Variants in HNF1B observed in about 807,000 individuals in gnomAD.
HNF1B encodes the protein HNF1 homeobox B.
A neutral mutation model predicts 61.7 loss-of-function variants in HNF1B; 8 were observed. The ratio of observed to expected loss-of-function variants is 0.13; its 90% CI spans 0.08 to 0.23. The LOEUF (loss-of-function observed/expected upper bound fraction) is 0.23, where lower values mean the gene tolerates loss of function less well. Among genes scored for constraint, HNF1B ranks in the 10% least tolerant of loss-of-function variants. HNF1B has a pLI of 1.00. For synonymous variants in HNF1B, 314 were observed against 287.7 expected (o/e 1.09, Z -0.93); for missense variants, 562 against 714.5 (o/e 0.79, Z 2.43).
intron 4 of HNF1B, among the ~76,000 whole-genome samples, chr17:37,723,033 C>T (rs2033369456): frequency 6.6e-6 from 1 of 152,002 alleles, no homozygotes; most frequent in Non-Finnish European, 1.5e-5. Flanking sequence ...AGTACTCACA[C>T]CTCCTTTAAT....
At chr17:37,716,286 C>A (rs1051343848) in intron 4 of HNF1B, among the ~76,000 whole-genome samples, 1 of 152,132 alleles carries the variant, frequency 6.6e-6, no homozygotes, top group Admixed American at 6.5e-5. Flanking sequence ...CAACCTTCGC[C>A]TCCCGGGCTC....
intron 8 of HNF1B, among the ~76,000 whole-genome samples, chr17:37,696,902 C>A (rs183622362): frequency 6.6e-6 from 1 of 152,210 alleles, no homozygotes; most frequent in Admixed American, 6.5e-5. Context: ...CATTTTACTT[C>A]ACTGTGCCTT....
chr17:37,724,427 C>T (rs987990709), intron 4 of HNF1B, among the ~76,000 whole-genome samples: 5 of 152,102 alleles, frequency 3.3e-5, no homozygotes, highest in East Asian at 3.8e-4. Context: ...AATACTCCCT[C>T]GGGTGATTCT....
chr17:37,705,176 A>G (rs957134270), intron 5 of HNF1B, 127 bp from the exon 6 acceptor site: 7 of 1,035,126 alleles, frequency 6.8e-6, no homozygotes, highest in East Asian at 2.6e-5. Context: ...CATTCACTCA[A>G]TAACAATTAT....
chr17:37,742,442 C>A (rs1598851779), intron 1 of HNF1B, among the ~76,000 whole-genome samples: 1 of 152,226 alleles, frequency 6.6e-6, no homozygotes, highest in Non-Finnish European at 1.5e-5. Context: ...CTTAAGGGAA[C>A]ACGGTGGGCA....
At chr17:37,732,252 T>C (rs951019275) in intron 3 of HNF1B, among the ~76,000 whole-genome samples, 2 of 152,166 alleles carry the variant, frequency 1.3e-5, no homozygotes, top group African/African-American at 2.4e-5. Flanking sequence ...TTCTGGTCTT[T>C]TGGGGCTTGA....
chr17:37,733,962 G>A (rs1266170317), intron 2 of HNF1B, 141 bp from the exon 3 acceptor site: 1 of 1,025,702 alleles, frequency 9.7e-7, no homozygotes, highest in Non-Finnish European at 1.5e-6. Context: ...ACTGCATGTG[G>A]AGCTGGAGAT....
intron 6 of HNF1B, among the ~76,000 whole-genome samples, chr17:37,704,457 C>A (rs2032672497): frequency 6.6e-6 from 1 of 152,180 alleles, no homozygotes; most frequent in South Asian, 2.1e-4. Flanking sequence ...ACCTGTCATT[C>A]TTACTTCATC....
Position 37,721,016 on chromosome 17 carries a change from G to A in HNF1B, c.1046-10353C>T, listed in dbSNP as rs192499825. 1.1e-4 allele frequency: 102 copies of A among 911,164 alleles called. No individual in the cohort carries two copies. In the African/African-American group the frequency reaches 1.7e-3, roughly 15 times the overall value. The allele number at this position is 911,164 out of a possible 1,614,324, so 56.4% of individuals were successfully genotyped here. On this transcript the variant is annotated intron_variant, in intron 4 of 8. Coordinates refer to ENST00000617811, the MANE Select transcript of HNF1B (RefSeq NM_000458.4). ...TACACAAATAGGAGATGTTGTTTAAGGGTTTTCCACTCTTGCTGAACAAGA... is the reference window on the plus strand; with the variant it reads ...TACACAAATAGGAGATGTTGTTTAAAGGTTTTCCACTCTTGCTGAACAAGA...
At chr17:37,710,205 T>C (rs2032884727) in intron 5 of HNF1B, among the ~76,000 whole-genome samples, 1 of 152,206 alleles carries the variant, frequency 6.6e-6, no homozygotes, top group South Asian at 2.1e-4. Flanking sequence ...ACAAATGTCA[T>C]TGGCAAGCCC....
chr17:37,725,357 C>A (rs1053097980), intron 4 of HNF1B, among the ~76,000 whole-genome samples: 9 of 152,202 alleles, frequency 5.9e-5, no homozygotes, highest in Admixed American at 2.0e-4. Flanking sequence ...TGGAGCCCCA[C>A]GAGCACAGCA....
At chr17:37,697,236 C>T (rs1027916558) in intron 8 of HNF1B, among the ~76,000 whole-genome samples, 5 of 152,180 alleles carry the variant, frequency 3.3e-5, no homozygotes, top group Admixed American at 2.0e-4. Flanking sequence ...TAAACTGTAA[C>T]GTGCCACGTG....
chr17:37,716,743 A>T (rs1458715060), intron 4 of HNF1B, among the ~76,000 whole-genome samples: 1 of 152,158 alleles, frequency 6.6e-6, no homozygotes, highest in Admixed American at 6.5e-5. Context: ...CAGCTCATAG[A>T]GCCCCTGGCG....
intron 7 of HNF1B, among the ~76,000 whole-genome samples, chr17:37,700,615 G>T (rs1260522006): frequency 6.6e-6 from 1 of 152,176 alleles, no homozygotes; most frequent in Non-Finnish European, 1.5e-5. Flanking sequence ...AGATTGCAAA[G>T]GCTAAGTTGA....
chr17:37,708,891 A>C (rs572761620), intron 5 of HNF1B, among the ~76,000 whole-genome samples: 1 of 152,056 alleles, frequency 6.6e-6, no homozygotes, highest in Non-Finnish European at 1.5e-5. Flanking sequence ...CAGAAACCAC[A>C]CTTGTTTTTC....
chr17:37,710,373 C>A, intron 5 of HNF1B, 130 bp downstream of exon 5: 1 of 1,244,414 alleles, frequency 8.0e-7, no homozygotes, highest in Non-Finnish European at 1.2e-6. Flanking sequence ...CTTTCCGACT[C>A]TGGACAGCCC....
intron 1 of HNF1B, among the ~76,000 whole-genome samples, chr17:37,741,444 G>A (rs985634290): frequency 6.6e-6 from 1 of 152,160 alleles, no homozygotes; most frequent in African/African-American, 2.4e-5. Flanking sequence ...ATATGAGGAA[G>A]TAACAAGAAG....
chr17:37,707,174 G>A (rs180794723), intron 5 of HNF1B, among the ~76,000 whole-genome samples: 2 of 150,144 alleles, frequency 1.3e-5, no homozygotes, highest in East Asian at 3.9e-4. Context: ...GGAGTGCAGT[G>A]GCATGATCAC....
intron 1 of HNF1B, 38 bp downstream of exon 1, chr17:37,744,503 G>C: frequency 6.3e-7 from 1 of 1,591,744 alleles, no homozygotes; most frequent in East Asian, 2.2e-5. Flanking sequence ...GGGCTCCAGG[G>C]GTTCGGGTGG....
Sources: gnomAD v4.1 joint callset for allele counts (sites outside exome capture counted in the v4.1 genomes callset) on GRCh38, gnomAD v4.1.1 for gene constraint, MANE v1.5 for transcripts, NCBI Gene and HGNC (gene_info 2026-07-23, HGNC 2026-07-21) for gene names.